FAM221B: variants seen among roughly 807,000 people sequenced by gnomAD.
FAM221B encodes the protein family with sequence similarity 221 member B.
Under a neutral mutation model 39.8 loss-of-function variants are expected in FAM221B, and 35 were observed. That is an observed-to-expected ratio of 0.88 (90% CI 0.67 to 1.17). The LOEUF is 1.17. Ranked by LOEUF, FAM221B falls within the 50% of genes most tolerant of loss-of-function variation. FAM221B has a pLI of 0.00. For missense variants in FAM221B, 479 were observed against 503.1 expected, an observed-to-expected ratio of 0.95 and a Z score of 0.46; for synonymous variants, 158 against 178.1, an observed-to-expected ratio of 0.89 and a Z score of 0.90.
intron 4 of FAM221B, 71 bp from the exon 5 acceptor site, chr9:35,819,465 C>T (rs1829093760): frequency 1.5e-6 from 2 of 1,351,516 alleles, no homozygotes; most frequent in African/African-American, 2.9e-5. Flanking sequence ...CCCCATCCTC[C>T]ATCCCCACCA....
rs775589272 is a variant in FAM221B at position 35,825,881 on chromosome 9, A to G, written c.281T>C (p.Leu94Ser). The G allele has an allele frequency of 4.3e-5, 70 of 1,614,120 alleles. No individual in the cohort carries two copies. The East Asian group carries it at 1.6e-3, about 36-fold the overall frequency. ...TGGCACCACTGAGATGGGACTATCCAATGAAGCCTCATAGGTAGGGGTCTC... is the reference window on the plus strand; with the variant it reads ...TGGCACCACTGAGATGGGACTATCCGATGAAGCCTCATAGGTAGGGGTCTC... ...PSETPTYEAS[L>S]DSPISVVPEK... is the part of the protein sequence containing the mutation. Residue 94 changes from leucine (L) to serine (S), a missense_variant, in exon 2 of 7, where the codon TTG (leucine) becomes TCG (serine). By Grantham distance (145) the Leu-to-Ser change is moderately radical (BLOSUM62 -2). Transcript: ENST00000423537. The surrounding 1 kb of genome is among the most constrained non-coding windows in gnomAD (Gnocchi z 4.2).
intron 3 of FAM221B, chr9:35,821,396 A>G: frequency 7.4e-7 from 1 of 1,349,324 alleles, no homozygotes; most frequent in African/African-American, 1.5e-5. Context: ...TCAGGGCCAC[A>G]ATTCACAATT....
At chr9:35,819,853 C>T (rs1829108217) in intron 4 of FAM221B, 37 bp downstream of exon 4, 3 of 1,258,808 alleles carry the variant, frequency 2.4e-6, no homozygotes, top group Admixed American at 2.0e-5. Flanking sequence ...ACAGTTATTC[C>T]TCCACACTCG....
In FAM221B at chr9:35,816,889, C is replaced by T. The variant is rs1017642779; in HGVS notation, c.*1580G>A. On this transcript the variant is annotated 3_prime_UTR_variant, in exon 7 of 7. Coordinates refer to ENST00000423537, the MANE Select transcript of FAM221B (RefSeq NM_001012446.4). The stretch of plus-strand genomic sequence containing the variant: ...AATGTAGAATGGCCTCTTCTCTGGG[C>T]CCCAGAGGCTGCAGTTCTCTGTGGT... 3.3e-5 allele frequency: 5 copies of T among 152,126 alleles called. No homozygotes were observed. Among genetic ancestry groups the T allele is most frequent in the Non-Finnish European group, 7.4e-5 (5 of 68,012 alleles). The allele number at this position is 152,126 out of a possible 1,614,324, so 9.4% of individuals were successfully genotyped here. A position where few individuals can be genotyped will look rare whatever the true frequency, so the allele number is the denominator to read the frequency against.
At chr9:35,821,459 A>G (rs1564006070) in intron 3 of FAM221B, 1 of 1,367,918 alleles carries the variant, frequency 7.3e-7, no homozygotes, top group East Asian at 4.5e-5. Context: ...CAGGATCTAA[A>G]GCCTGTCTAG....
rs1227228509 is a variant in FAM221B, at chr9:35,828,159, G to T, written c.-1+304C>A. Among the ~76,000 whole-genome samples, 1 of 152,150 alleles carries T rather than the reference G, an allele frequency of 6.6e-6. No homozygotes were observed. The highest frequency in any genetic ancestry group is 1.5e-5 in the Non-Finnish European group (1 of 68,022). ...ATACAAAAATTAGCTGGGCATGGTG[G>T]CAGGCGCCTGTAGTCCCAGCTACTG... On this transcript the variant is annotated intron_variant, in intron 1 of 6. Transcript: ENST00000423537. This position sits in a 1 kb window ranked among gnomAD's most constrained non-coding sequence, Gnocchi z 4.5.
intron 4 of FAM221B, 33 bp downstream of exon 4, chr9:35,819,857 A>G: frequency 6.7e-7 from 1 of 1,493,894 alleles, no homozygotes; most frequent in Non-Finnish European, 9.3e-7. Flanking sequence ...TTATTCCTCC[A>G]CACTCGAGAG....
intron 4 of FAM221B, among the ~76,000 whole-genome samples, chr9:35,819,661 T>G (rs1829100291): frequency 6.6e-6 from 1 of 152,012 alleles, no homozygotes; most frequent in Non-Finnish European, 1.5e-5. Flanking sequence ...CCTGGCTAAA[T>G]TTTTTGTATT....
At chr9:35,827,311 A>G (rs1829405935) in intron 1 of FAM221B, among the ~76,000 whole-genome samples, 1 of 152,212 alleles carries the variant, frequency 6.6e-6, no homozygotes, top group Admixed American at 6.5e-5. Flanking sequence ...GCCTTTGTGT[A>G]ATAACTTTGC....
In FAM221B at chr9:35,819,157, C is replaced by A. The variant is rs1564005133; in HGVS notation, c.1051+40G>T. On this transcript the variant is annotated intron_variant, in intron 5 of 6. Transcript: ENST00000423537. ...ATCCCCAGATTGCATCCTATCCCCACCTACCCTGCTCCCAATACACCTCTT... is the reference window on the plus strand; with the variant it reads ...ATCCCCAGATTGCATCCTATCCCCAACTACCCTGCTCCCAATACACCTCTT... 3.9e-6 allele frequency: 6 copies of A among 1,540,804 alleles called. No homozygotes were observed. In the East Asian group the frequency reaches 1.2e-4, roughly 32 times the overall value.
Position 35,821,460 on chromosome 9 carries a change from G to A in FAM221B, c.743-1460C>T, listed in dbSNP as rs761416833. 1.2e-5 allele frequency: 17 copies of A among 1,367,896 alleles called. No homozygotes were observed. The South Asian group carries it at 1.8e-4, about 15-fold the overall frequency. 84.7% of individuals were successfully genotyped at this position (1,367,896 alleles called of 1,614,324 possible). ...TACCCATAGTCTGTCAGGATCTAAA[G>A]CCTGTCTAGATGTGGCTTTTGGCTT... On this transcript the variant is annotated intron_variant, in intron 3 of 6. Coordinates refer to ENST00000423537, the MANE Select transcript of FAM221B (RefSeq NM_001012446.4).
chr9:35,819,305 G>C lies in FAM221B; in HGVS notation c.943C>G (p.Leu315Val). 3.2e-6 allele frequency: 5 copies of C among 1,551,720 alleles called. No individual in the cohort carries two copies. Among genetic ancestry groups the C allele is most frequent in the Non-Finnish European group, 4.4e-6 (5 of 1,146,990 alleles). Residue 315 changes from leucine to valine, a missense_variant, in exon 5 of 7, where the codon CTC (leucine) becomes GTC (valine). Coordinates refer to ENST00000423537, the MANE Select transcript of FAM221B (RefSeq NM_001012446.4). ...SRPEEVGEFW[L>V]KRRATFDPKA... is the part of the protein sequence containing the mutation. Reference sequence around the variant, plus strand: ...GGGTCAAAGGTGGCCCGTCTCTTGAGCCAGAACTCACCCACCTCCTCTGGG... The same window carrying C: ...GGGTCAAAGGTGGCCCGTCTCTTGACCCAGAACTCACCCACCTCCTCTGGG...
intron 3 of FAM221B, among the ~76,000 whole-genome samples, chr9:35,824,874 G>GTA (rs1829279923): frequency 6.6e-6 from 1 of 151,946 alleles, no homozygotes; most frequent in Non-Finnish European, 1.5e-5. Flanking sequence ...GTAGAGACGG[G>GTA]GTTTCATCGT....
chr9:35,818,985 G>C lies in FAM221B; in HGVS notation c.1076C>G (p.Ser359Cys). The stretch of plus-strand genomic sequence containing the variant: ...GTCACAGGCCGCACAGAGGAAATTA[G>C]ACTCAAAACAGCCGCAGCAACAGCC... Reference protein sequence around the residue: ...HHGCCCGCFESNFLCAACDRR... With the variant: ...HHGCCCGCFECNFLCAACDRR... Residue 359 changes from serine to cysteine, a missense_variant, in exon 6 of 7, where the codon TCT (serine) becomes TGT (cysteine). Ser to Cys is a moderately radical substitution (Grantham distance 112). Transcript: ENST00000423537. 6.4e-7 allele frequency: 1 copy of C among 1,551,694 alleles called. No individual in the cohort carries two copies. The highest frequency in any genetic ancestry group is 8.7e-7 in the Non-Finnish European group (1 of 1,146,994).
At chr9:35,824,029 C>T (rs1313156396) in intron 3 of FAM221B, among the ~76,000 whole-genome samples, 1 of 98,246 alleles carries the variant, frequency 1.0e-5, no homozygotes, top group Non-Finnish European at 2.0e-5. Context: ...GGTGGTGGGG[C>T]GGGAGGGCAA....
Position 35,818,273 on chromosome 9 carries a change from A to T in FAM221B, c.*196T>A. ...CTTCCTCCCTTCTTGACTTCCTTGA[A>T]GCCACTTTCCTTCAACAGGCAGCTT... is the stretch of plus-strand genomic sequence containing the variant. On this transcript the variant is annotated 3_prime_UTR_variant, in exon 7 of 7. Transcript: ENST00000423537. 3.4e-6 allele frequency: 2 copies of T among 596,652 alleles called. No homozygotes were observed. The highest frequency in any genetic ancestry group is 6.0e-6 in the Non-Finnish European group (2 of 333,578). The allele number at this position is 596,652 out of a possible 1,614,324, so 37.0% of individuals were successfully genotyped here. A position where few individuals can be genotyped will look rare whatever the true frequency, so the allele number is the denominator to read the frequency against.
chr9:35,818,255 C>T lies in FAM221B; in HGVS notation c.*214G>A. ...ACTCTATCCTTCTTGAAACTTCCTC[C>T]CTTCTTGACTTCCTTGAAGCCACTT... On this transcript the variant is annotated 3_prime_UTR_variant, in exon 7 of 7. Transcript: ENST00000423537. 1 of 579,112 alleles carries T rather than the reference C, an allele frequency of 1.7e-6. No homozygotes were observed. Among genetic ancestry groups the T allele is most frequent in the Non-Finnish European group, 3.1e-6 (1 of 322,646 alleles). 35.9% of individuals were successfully genotyped at this position (579,112 alleles called of 1,614,324 possible).
At position 35,817,620 on chromosome 9, in the gene FAM221B, A is replaced by G. The variant is rs1386041311; in HGVS notation, c.*849T>C. The stretch of plus-strand genomic sequence containing the variant: ...CTACCCACTGATGAGGTTTTTCTCC[A>G]GTTCCCTACATTAGCCTTCCCAAAC... On this transcript the variant is annotated 3_prime_UTR_variant, in exon 7 of 7. Coordinates refer to ENST00000423537, the MANE Select transcript of FAM221B (RefSeq NM_001012446.4). 6.6e-6 allele frequency: 1 copy of G among 152,228 alleles called. No homozygotes were observed. Among genetic ancestry groups the G allele is most frequent in the Non-Finnish European group, 1.5e-5 (1 of 68,084 alleles). 9.4% of individuals were successfully genotyped at this position (152,228 alleles called of 1,614,324 possible). A position where few individuals can be genotyped will look rare whatever the true frequency, so the allele number is the denominator to read the frequency against.
At chr9:35,818,547 G>C (rs1195240189) in intron 6 of FAM221B, 41 bp from the exon 7 acceptor site, 1 of 1,541,938 alleles carries the variant, frequency 6.5e-7, no homozygotes, top group Admixed American at 2.0e-5. Flanking sequence ...TCAGGTATGG[G>C]GGTCAGAAGG....
Sources: gnomAD v4.1 joint callset for allele counts (sites outside exome capture counted in the v4.1 genomes callset) on GRCh38, gnomAD v4.1.1 for gene constraint, Gnocchi (gnomAD v3.1) non-coding constraint, MANE v1.5 for transcripts, NCBI Gene and HGNC (gene_info 2026-07-23, HGNC 2026-07-21) for gene names.